KCNH5: variants seen among roughly 807,000 people sequenced by gnomAD.
The protein encoded by KCNH5 is voltage-gated delayed rectifier potassium channel KCNH5.
Under a neutral mutation model 96.1 loss-of-function variants are expected in KCNH5, and 46 were observed. That is an observed-to-expected ratio of 0.48 (90% CI 0.38 to 0.61). The LOEUF (loss-of-function observed/expected upper bound fraction) is 0.61, where lower values mean the gene tolerates loss of function less well. Among genes scored for constraint, KCNH5 ranks in the 20% least tolerant of loss-of-function variants. The pLI, the probability that KCNH5 is intolerant of heterozygous loss-of-function variation, is 0.00. For missense variants in KCNH5, 907 were observed against 1,225.8 expected (o/e 0.74, Z 3.88); for synonymous variants, 439 against 449.8 (o/e 0.98, Z 0.30).
intron 2 of KCNH5, among the ~76,000 whole-genome samples, chr14:63,014,860 T>C (rs1410256200): frequency 6.6e-6 from 1 of 152,078 alleles, no homozygotes; most frequent in African/African-American, 2.4e-5. Context: ...GAATAAGAAA[T>C]GCGAGTGTGA....
intron 7 of KCNH5, among the ~76,000 whole-genome samples, chr14:62,878,885 T>C (rs933782228): frequency 6.6e-6 from 1 of 152,126 alleles, no homozygotes; most frequent in Non-Finnish European, 1.5e-5. Context: ...AATTTCCTCT[T>C]ATTGTAAGGA....
Position 62,950,147 on chromosome 14 carries a change from A to G in KCNH5, c.1355T>C (p.Met452Thr). 1 of 1,613,898 alleles carries G rather than the reference A, an allele frequency of 6.2e-7. No homozygotes were observed. Among genetic ancestry groups the G allele is most frequent in the Non-Finnish European group, 8.5e-7 (1 of 1,179,864 alleles). The change falls in exon 7 of 11, where the codon ATG becomes ACG. Residue 452 changes from methionine (M) to threonine (T), a missense_variant. This residue lies in a region of KCNH5 where 370 missense variants were observed against 561.3 expected (regional missense o/e 0.66). Coordinates refer to ENST00000322893, the MANE Select transcript of KCNH5 (RefSeq NM_139318.5). The part of the protein sequence containing the change: ...TDVEKMFSVA[M>T]MMVGSLLYAT... ...AAAATACTTACAGCCAACCATCATC[A>G]TAGCCACCGAAAACATCTTCTCCAC...
intron 8 of KCNH5, among the ~76,000 whole-genome samples, chr14:62,819,299 A>G (rs1332907617): frequency 6.6e-6 from 1 of 152,204 alleles, no homozygotes; most frequent in Admixed American, 6.5e-5. Context: ...AATATAAAGT[A>G]CTGATTCATG....
At chr14:62,993,049 A>C (rs896606346) in intron 4 of KCNH5, among the ~76,000 whole-genome samples, 3 of 152,080 alleles carry the variant, frequency 2.0e-5, no homozygotes, top group Non-Finnish European at 2.9e-5. Context: ...CAATTATCCC[A>C]GCACCAGTTA....
chr14:62,848,428 T>C (rs1330359933), intron 8 of KCNH5, among the ~76,000 whole-genome samples: 2 of 152,188 alleles, frequency 1.3e-5, no homozygotes, highest in Non-Finnish European at 1.5e-5. Context: ...GCCATTTAAC[T>C]GGAAAATTTA....
chr14:62,768,776 A>G (rs1421448530), intron 10 of KCNH5, among the ~76,000 whole-genome samples: 2 of 152,224 alleles, frequency 1.3e-5, no homozygotes, highest in Non-Finnish European at 2.9e-5. Context: ...AGTATTACCT[A>G]TGGTTCAAAA....
At chr14:63,036,657 G>T (rs1471543648) in intron 1 of KCNH5, among the ~76,000 whole-genome samples, 1 of 152,058 alleles carries the variant, frequency 6.6e-6, no homozygotes, top group Admixed American at 6.6e-5. Flanking sequence ...TTAAATTATG[G>T]CAGAAGACAA....
chr14:62,883,578 A>G (rs991223767), intron 7 of KCNH5, among the ~76,000 whole-genome samples: 19 of 152,164 alleles, frequency 1.2e-4, no homozygotes, highest in African/African-American at 4.3e-4. Flanking sequence ...TGAAATTCAT[A>G]TCACCTAAAT....
intron 8 of KCNH5, among the ~76,000 whole-genome samples, chr14:62,848,523 C>T (rs1017049826): frequency 6.6e-6 from 1 of 152,082 alleles, no homozygotes; most frequent in Non-Finnish European, 1.5e-5. Flanking sequence ...AAGTATCTCA[C>T]CTGCACTCCC....
At chr14:62,841,703 C>A (rs931888105) in intron 8 of KCNH5, among the ~76,000 whole-genome samples, 41 of 152,358 alleles carry the variant, frequency 2.7e-4, no homozygotes, top group Middle Eastern at 3.4e-3. Flanking sequence ...TGTATTATAA[C>A]CGCAATAGAC....
At chr14:62,810,926 C>T (rs868172648) in intron 8 of KCNH5, among the ~76,000 whole-genome samples, 7 of 151,968 alleles carry the variant, frequency 4.6e-5, no homozygotes, top group East Asian at 1.9e-4. Flanking sequence ...GAATCAGGAC[C>T]GCTTTCCTGT....
chr14:63,032,510 C>A (rs931367553), intron 1 of KCNH5, among the ~76,000 whole-genome samples: 4 of 152,134 alleles, frequency 2.6e-5, no homozygotes, highest in African/African-American at 7.2e-5. Context: ...AACCATGTAG[C>A]AATCACTAAC....
At chr14:62,893,981 G>C (rs767037515) in intron 7 of KCNH5, among the ~76,000 whole-genome samples, 64 of 152,188 alleles carry the variant, frequency 4.2e-4, no homozygotes, top group Non-Finnish European at 7.1e-4. Flanking sequence ...ATCTACGTAT[G>C]TTGAGGCAAG....
chr14:62,970,073 T>TAAAAAAAAAAAAAA (rs1284748914), intron 6 of KCNH5, among the ~76,000 whole-genome samples: 29 of 112,142 alleles, frequency 2.6e-4, no homozygotes, highest in Non-Finnish European at 3.8e-4. Context: ...AAAAAAAAAT[T>TAAAAAAAAAAAAAA]AAATCAATAA....
intron 1 of KCNH5, among the ~76,000 whole-genome samples, chr14:63,028,857 A>G (rs1427067053): frequency 6.6e-6 from 1 of 152,200 alleles, no homozygotes; most frequent in Non-Finnish European, 1.5e-5. Context: ...TTTGCCAGGT[A>G]TACCCTAAAG....
Position 62,708,200 on chromosome 14 carries a change from T to G in KCNH5, c.2275A>C (p.Thr759Pro). The G allele has an allele frequency of 1.9e-6, 3 of 1,614,104 alleles. No homozygotes were observed. Among genetic ancestry groups the G allele is most frequent in the Non-Finnish European group, 2.5e-6 (3 of 1,180,012 alleles). The change falls in exon 11 of 11, where the codon ACT becomes CCT. Residue 759 changes from threonine to proline, a missense_variant. Physicochemically the swap from Thr to Pro is conservative, Grantham distance 38. Around this residue, in one of 6 missense-constraint regions of KCNH5, gnomAD observed 362 missense variants for 394.4 expected, o/e 0.92. Coordinates refer to ENST00000322893, the MANE Select transcript of KCNH5 (RefSeq NM_139318.5). Reference protein sequence around the residue: ...GTSVVTVSQITPIQTSLAYVK... With the variant: ...GTSVVTVSQIPPIQTSLAYVK... ...TAGGCCAGAGACGTCTGAATGGGAG[T>G]AATCTGTGACACAGTCACCACGCTG...
chr14:63,029,178 G>T (rs1398335240), intron 1 of KCNH5, among the ~76,000 whole-genome samples: 1 of 152,122 alleles, frequency 6.6e-6, no homozygotes, highest in Non-Finnish European at 1.5e-5. Context: ...AGCAGACATG[G>T]TGCTAAGTCT....
At chr14:62,756,902 A>G (rs994627617) in intron 10 of KCNH5, among the ~76,000 whole-genome samples, 1 of 152,224 alleles carries the variant, frequency 6.6e-6, no homozygotes, top group Admixed American at 6.5e-5. Flanking sequence ...AGATTTCTTC[A>G]GTAATACTCC....
chr14:63,012,148 T>C (rs1006134262), intron 2 of KCNH5, among the ~76,000 whole-genome samples: 3 of 152,338 alleles, frequency 2.0e-5, no homozygotes, highest in Non-Finnish European at 4.4e-5. Context: ...TCAGAGCTTC[T>C]ACAGGTCATG....
Sources: allele counts gnomAD v4.1 joint callset (sites outside exome capture counted in the v4.1 genomes callset), GRCh38; gene constraint gnomAD v4.1.1; regional missense constraint gnomAD v4.1.1; transcripts MANE v1.5; gene names NCBI Gene and HGNC (gene_info 2026-07-23, HGNC 2026-07-21).